MICB: variants seen among roughly 807,000 people sequenced by gnomAD.
MICB encodes MHC class I polypeptide-related sequence B, also known as MHC class I antigen-related protein B.
A neutral mutation model predicts 34.3 loss-of-function variants in MICB; 27 were observed. The observed-to-expected ratio is 0.79, with a 90% CI of 0.58 to 1.08. The LOEUF (loss-of-function observed/expected upper bound fraction) is 1.08. MICB is among the 50% of genes least tolerant of loss of function. The probability of loss-of-function intolerance (pLI) is 0.00; values close to 1 mark genes in which losing one functional copy is unlikely to be tolerated. For synonymous variants in MICB, 153 were observed against 187.4 expected, an observed-to-expected ratio of 0.82 and a Z score of 1.50; for missense variants, 426 against 483.1, an observed-to-expected ratio of 0.88 and a Z score of 1.11.
At chr6:31,501,891 C>T (rs2855808) in intron 1 of MICB, among the ~76,000 whole-genome samples, 47,885 of 151,964 alleles carry the variant, frequency 0.32, 7,764 homozygotes, top group Middle Eastern at 0.39. Context: ...GTTCTTTTTG[C>T]TCAGGGTAGC....
At position 31,506,300 on chromosome 6, in the gene MICB, G is replaced by C. The variant is rs745306025; in HGVS notation, c.483G>C (p.Leu161Phe). ...TVPQSSRAQTLAMNVTNFWKE... is the reference protein window; with the variant it reads ...TVPQSSRAQTFAMNVTNFWKE... Reference sequence around the variant, plus strand: ...CCCAGTCCTCCAGAGCTCAGACCTTGGCTATGAACGTCACAAATTTCTGGA... The same window carrying C: ...CCCAGTCCTCCAGAGCTCAGACCTTCGCTATGAACGTCACAAATTTCTGGA... The change falls in exon 3 of 6, where the codon TTG becomes TTC. Residue 161 changes from leucine (L) to phenylalanine (F), a missense_variant. Leu to Phe is a conservative substitution (Grantham distance 22). Coordinates refer to ENST00000252229, the MANE Select transcript of MICB (RefSeq NM_005931.5). 17 of 1,614,234 alleles carry C rather than the reference G, an allele frequency of 1.1e-5. No homozygotes were observed. In the African/African-American group the frequency reaches 2.1e-4, roughly 20 times the overall value.
rs1358948861 is a variant in MICB, at chr6:31,511,070, T to C, written c.*1161T>C. 6.6e-6 allele frequency: 1 copy of C among 152,266 alleles called. No individual in the cohort carries two copies. Among genetic ancestry groups the C allele is most frequent in the African/African-American group, 2.4e-5 (1 of 41,468 alleles). The allele number at this position is 152,266 out of a possible 1,614,324, so 9.4% of individuals were successfully genotyped here. ...CGTCACACCGTTATGCATTACTCTGTGTCTACTATTATGTGTGCATAATTT... is the reference window on the plus strand; with the variant it reads ...CGTCACACCGTTATGCATTACTCTGCGTCTACTATTATGTGTGCATAATTT... On this transcript the variant is annotated 3_prime_UTR_variant, in exon 6 of 6. Transcript: ENST00000252229.
chr6:31,508,500 G>A (rs1475816732), intron 5 of MICB, among the ~76,000 whole-genome samples: 1 of 152,202 alleles, frequency 6.6e-6, no homozygotes, highest in South Asian at 2.1e-4. Context: ...TGCACTGTCA[G>A]TCGGCCCCTC....
intron 1 of MICB, among the ~76,000 whole-genome samples, chr6:31,501,564 AG>A (rs1765019821): frequency 6.6e-6 from 1 of 152,140 alleles, no homozygotes; most frequent in African/African-American, 2.4e-5. Flanking sequence ...TCATAGTTTG[AG>A]GTCATAGATT....
chr6:31,498,335 C>A (rs1414118965), intron 1 of MICB, 72 bp downstream of exon 1: 2 of 1,316,892 alleles, frequency 1.5e-6, no homozygotes, highest in Admixed American at 2.3e-5. Flanking sequence ...GGGTGGGTTG[C>A]CGCGAGCGCT....
chr6:31,509,673 C>G, intron 5 of MICB, 109 bp from the exon 6 acceptor site: 1 of 1,379,428 alleles, frequency 7.2e-7, no homozygotes, highest in Non-Finnish European at 9.7e-7. Context: ...CATCTTCTCT[C>G]AGAGAAAGGG....
chr6:31,499,803 C>G (rs1056190247), intron 1 of MICB, among the ~76,000 whole-genome samples: 56 of 152,304 alleles, frequency 3.7e-4, no homozygotes, highest in Non-Finnish European at 7.3e-4. Context: ...CCCCTCTCCA[C>G]CTTGGGACCT....
chr6:31,498,238 TTTTGCACCC>T lies in MICB; in HGVS notation c.46_54del (p.Phe16_Pro18del). ...TGCTGTTTCTGGCCGTCGCCTTCCC[TTTTGCACCC>T]CCGGCAGCCGCCGCTGGTGAGTGGG... is the stretch of plus-strand genomic sequence containing the variant. On this transcript the variant is annotated inframe_deletion, in exon 1 of 6. Transcript: ENST00000252229. 1 of 1,580,400 alleles carries T rather than the reference TTTTGCACCC, an allele frequency of 6.3e-7. No homozygotes were observed. Among genetic ancestry groups the T allele is most frequent in the Non-Finnish European group, 8.6e-7 (1 of 1,161,258 alleles).
chr6:31,503,007 T>G (rs2150284767), intron 1 of MICB, among the ~76,000 whole-genome samples: 1 of 152,360 alleles, frequency 6.6e-6, no homozygotes. Flanking sequence ...GTGATATGGC[T>G]TTTGTCCTTT....
chr6:31,506,920 G>C, intron 3 of MICB, 102 bp from the exon 4 acceptor site: 4 of 1,521,988 alleles, frequency 2.6e-6, no homozygotes, highest in African/African-American at 2.8e-5. Flanking sequence ...GTATCTGTGA[G>C]GGATTCAGCC....
chr6:31,498,284 TC>T, intron 1 of MICB, 21 bp downstream of exon 1: 4 of 1,534,572 alleles, frequency 2.6e-6, no homozygotes, highest in East Asian at 2.7e-5. Flanking sequence ...TTCCTGGCGG[TC>T]CCCGGCGGAG....
At chr6:31,508,167 G>A (rs1311906752) in intron 5 of MICB, among the ~76,000 whole-genome samples, 2 of 152,108 alleles carry the variant, frequency 1.3e-5, no homozygotes, top group Admixed American at 1.3e-4. Flanking sequence ...TACCTCCAGC[G>A]TGTTTTCTTC....
Position 31,507,350 on chromosome 6 carries a change from A to G in MICB, c.892+50A>G, listed in dbSNP as rs3131638. ...GGGTCAGGCCAGGGTAGGAACAGCA[A>G]GGACGGCTGTGGCTCTCTGCCCAGT... On this transcript the variant is annotated intron_variant, in intron 4 of 5. Transcript: ENST00000252229. The surrounding 1 kb of genome is among the most constrained non-coding windows in gnomAD (Gnocchi z 6.0). 0.79 allele frequency: 1,279,957 copies of G among 1,613,256 alleles called. 510,294 individuals are homozygous for G. The highest frequency in any genetic ancestry group is 0.9 in the East Asian group (40,559 of 44,872).
chr6:31,495,397 C>T (rs1314183435), upstream of MICB, among the ~76,000 whole-genome samples: 1 of 152,108 alleles, frequency 6.6e-6, no homozygotes, highest in Admixed American at 6.5e-5. Flanking sequence ...CCATCTGCCT[C>T]TCTGTCTCAA....
At chr6:31,502,393 A>G (rs1765063076) in intron 1 of MICB, among the ~76,000 whole-genome samples, 1 of 152,112 alleles carries the variant, frequency 6.6e-6, no homozygotes, top group Non-Finnish European at 1.5e-5. Context: ...TGCCTTTTCC[A>G]TTTTTTGTGT....
At position 31,507,846 on chromosome 6, in the gene MICB, G is replaced by A. The variant is rs1429261525; in HGVS notation, c.1024+315G>A. Among the ~76,000 whole-genome samples, 1 of 107,252 alleles carries A rather than the reference G, an allele frequency of 9.3e-6. No individual in the cohort carries two copies. Among genetic ancestry groups the A allele is most frequent in the Non-Finnish European group, 2.1e-5 (1 of 47,376 alleles). 70.4% of individuals were successfully genotyped at this position (107,252 alleles called of 152,430 possible). A position where few individuals can be genotyped will look rare whatever the true frequency, so the allele number is the denominator to read the frequency against. ...CCTCTCTGTCTCTCGGGCTCACTAG[G>A]GTGCGTCCAGGTGGGGTGAGTTGGG... On this transcript the variant is annotated intron_variant, in intron 5 of 5. Coordinates refer to ENST00000252229, the MANE Select transcript of MICB (RefSeq NM_005931.5). This position sits in a 1 kb window ranked among gnomAD's most constrained non-coding sequence, Gnocchi z 6.0.
At position 31,507,524 on chromosome 6, in the gene MICB, G is replaced by T. The variant is rs1271953603; in HGVS notation, c.1017G>T (p.Glu339Asp). Residue 339 changes from glutamate (E) to aspartate (D), a missense_variant, in exon 5 of 6, where the codon GAG becomes GAT. Transcript: ENST00000252229. The surrounding 1 kb of genome is among the most constrained non-coding windows in gnomAD (Gnocchi z 6.0). ...PCCKKKTSAA[E>D]GPELVSLQVL... ...GCAAGAAGAAAACATCAGCGGCAGAGGGTCCAGGTGAGAAAAGGGGACAGT... is the reference window on the plus strand; with the variant it reads ...GCAAGAAGAAAACATCAGCGGCAGATGGTCCAGGTGAGAAAAGGGGACAGT... 15 of 1,614,066 alleles carry T rather than the reference G, an allele frequency of 9.3e-6. No homozygotes were observed. In the African/African-American group the frequency reaches 9.3e-5, roughly 10 times the overall value.
chr6:31,501,453 G>A (rs1045597467), intron 1 of MICB, among the ~76,000 whole-genome samples: 1 of 152,090 alleles, frequency 6.6e-6, no homozygotes, highest in Non-Finnish European at 1.5e-5. Context: ...TCCCATTTAT[G>A]CATTTTTACT....
intron 1 of MICB, 83 bp downstream of exon 1, chr6:31,498,346 G>A: frequency 8.3e-7 from 1 of 1,204,734 alleles, no homozygotes; most frequent in Non-Finnish European, 1.1e-6. Flanking sequence ...CGCGAGCGCT[G>A]TGCGGTCAGG....
Sources: gnomAD v4.1 joint callset for allele counts (sites outside exome capture counted in the v4.1 genomes callset) on GRCh38, gnomAD v4.1.1 for gene constraint, Gnocchi (gnomAD v3.1) non-coding constraint, MANE v1.5 for transcripts, NCBI Gene and HGNC (gene_info 2026-07-23, HGNC 2026-07-21) for gene names.